The following ANKS1B variants were observed in gnomAD, a reference collection of about 807,000 sequenced individuals.
The protein encoded by ANKS1B is ankyrin repeat and sterile alpha motif domain containing 1B, also known as ankyrin repeat and sterile alpha motif domain-containing protein 1B.
A neutral mutation model predicts 148.3 loss-of-function variants in ANKS1B; 36 were observed. The ratio of observed to expected loss-of-function variants is 0.24; its 90% CI spans 0.19 to 0.32. The LOEUF (loss-of-function observed/expected upper bound fraction) is 0.32, where lower values mean the gene tolerates loss of function less well. ANKS1B is among the 10% of genes least tolerant of loss of function. ANKS1B has a pLI of 1.00. For synonymous variants in ANKS1B, 542 were observed against 560.8 expected (o/e 0.97, Z 0.47); for missense variants, 1,157 against 1,542.6 (o/e 0.75, Z 4.19).
At chr12:99,181,898 G>T (rs1218715060) in intron 14 of ANKS1B, among the ~76,000 whole-genome samples, 1 of 151,812 alleles carries the variant, frequency 6.6e-6, no homozygotes, top group Non-Finnish European at 1.5e-5. Flanking sequence ...TCAAACACCA[G>T]ATCTTATTCA....
At chr12:98,884,818 A>G in intron 17 of ANKS1B, among the ~76,000 whole-genome samples, 1 of 149,792 alleles carries the variant, frequency 6.7e-6, no homozygotes, top group East Asian at 1.9e-4. Flanking sequence ...AAAAAAAAAA[A>G]AAAAAAAGAA....
chr12:99,206,812 G>A (rs918167291), intron 14 of ANKS1B, among the ~76,000 whole-genome samples: 1 of 152,158 alleles, frequency 6.6e-6, no homozygotes, highest in Non-Finnish European at 1.5e-5. Flanking sequence ...AGTCTCTGAA[G>A]TACACCCTTC....
chr12:99,154,894 A>C, intron 14 of ANKS1B: 1 of 1,535,256 alleles, frequency 6.5e-7, no homozygotes. Context: ...CGCATTTTCA[A>C]TAATAGCCAT....
chr12:99,692,183 C>T (rs1402295587), intron 8 of ANKS1B, among the ~76,000 whole-genome samples: 1 of 152,004 alleles, frequency 6.6e-6, no homozygotes, highest in Admixed American at 6.6e-5. Flanking sequence ...ATTCTGGATG[C>T]TGTGAGTAAA....
intron 1 of ANKS1B, among the ~76,000 whole-genome samples, chr12:99,900,711 C>T (rs2093570463): frequency 6.6e-6 from 1 of 152,058 alleles, no homozygotes; most frequent in African/African-American, 2.4e-5. Context: ...CTTGTCTCAG[C>T]CAAAATCACA....
At chr12:99,857,838 A>G (rs1342994554) in intron 1 of ANKS1B, among the ~76,000 whole-genome samples, 10 of 152,238 alleles carry the variant, frequency 6.6e-5, no homozygotes, top group Non-Finnish European at 1.0e-4. Flanking sequence ...AGCCACATGT[A>G]GGAGAATGAA....
chr12:99,836,144 T>C (rs939212328), intron 1 of ANKS1B, among the ~76,000 whole-genome samples: 4 of 152,144 alleles, frequency 2.6e-5, no homozygotes, highest in Non-Finnish European at 4.4e-5. Flanking sequence ...CAGCAAACTG[T>C]AGACCATGAG....
At chr12:99,317,926 G>A (rs9705815) in intron 12 of ANKS1B, among the ~76,000 whole-genome samples, 6,063 of 152,284 alleles carry the variant, frequency 0.04, 375 homozygotes, top group African/African-American at 0.13. Context: ...AGATAATCAT[G>A]TGGTTTTTGT....
intron 15 of ANKS1B, among the ~76,000 whole-genome samples, chr12:99,131,916 C>T (rs1256516602): frequency 6.6e-6 from 1 of 152,124 alleles, no homozygotes; most frequent in Non-Finnish European, 1.5e-5. Context: ...TCTCCTGATC[C>T]CTCGGAGGGA....
intron 10 of ANKS1B, among the ~76,000 whole-genome samples, chr12:99,460,675 T>A (rs1027065679): frequency 4.0e-5 from 6 of 150,866 alleles, no homozygotes; most frequent in Non-Finnish European, 8.9e-5. Flanking sequence ...ATCAGGGAAA[T>A]GCAAATCAAA....
chr12:99,087,025 T>C (rs763183016), intron 15 of ANKS1B, among the ~76,000 whole-genome samples: 3 of 152,158 alleles, frequency 2.0e-5, no homozygotes, highest in South Asian at 2.1e-4. Flanking sequence ...GCAGGTGGAT[T>C]TGCAAACTAT....
At chr12:98,914,019 A>T (rs941409734) in intron 17 of ANKS1B, among the ~76,000 whole-genome samples, 4 of 152,088 alleles carry the variant, frequency 2.6e-5, no homozygotes, top group African/African-American at 9.7e-5. Flanking sequence ...CTTCCTTTCT[A>T]TGTGATATGG....
chr12:98,761,066 A>G (rs1479116544), intron 25 of ANKS1B, among the ~76,000 whole-genome samples: 1 of 152,186 alleles, frequency 6.6e-6, no homozygotes, highest in East Asian at 1.9e-4. Flanking sequence ...TCCTCATTTT[A>G]CGTGTGAGAA....
chr12:98,819,862 A>G (rs1435233477), intron 19 of ANKS1B, among the ~76,000 whole-genome samples: 1 of 152,246 alleles, frequency 6.6e-6, no homozygotes, highest in Non-Finnish European at 1.5e-5. Flanking sequence ...GTGATCCTGC[A>G]TTCAAACCTC....
At chr12:99,652,596 T>C (rs1396285928) in intron 9 of ANKS1B, among the ~76,000 whole-genome samples, 9 of 152,146 alleles carry the variant, frequency 5.9e-5, no homozygotes, top group African/African-American at 2.4e-5. Context: ...TTTATAGATT[T>C]AATGCAGTAA....
At chr12:99,239,962 C>T (rs990624010) in intron 14 of ANKS1B, among the ~76,000 whole-genome samples, 1 of 152,204 alleles carries the variant, frequency 6.6e-6, no homozygotes. Flanking sequence ...ACTGCAAAAA[C>T]ATGCCAAATT....
intron 17 of ANKS1B, among the ~76,000 whole-genome samples, chr12:98,984,983 C>T (rs1408591725): frequency 1.3e-5 from 2 of 152,140 alleles, no homozygotes; most frequent in Admixed American, 6.5e-5. Flanking sequence ...TGTACTTCAA[C>T]CTGGGTGACA....
chr12:99,505,735 G>A (rs374864624), intron 9 of ANKS1B, among the ~76,000 whole-genome samples: 1 of 151,250 alleles, frequency 6.6e-6, no homozygotes, highest in Non-Finnish European at 1.5e-5. Context: ...TGCTGGAGAA[G>A]ACTGTGAAAT....
At chr12:98,979,073 C>T (rs925721614) in intron 17 of ANKS1B, among the ~76,000 whole-genome samples, 129 of 151,378 alleles carry the variant, frequency 8.5e-4, no homozygotes, top group African/African-American at 3.0e-3. Context: ...ACCCGGGAGG[C>T]GGAGCTTGCA....
Sources: allele counts gnomAD v4.1 joint callset (sites outside exome capture counted in the v4.1 genomes callset), GRCh38; gene constraint gnomAD v4.1.1; transcripts MANE v1.5; gene names NCBI Gene and HGNC (gene_info 2026-07-23, HGNC 2026-07-21).